XKR9: variants seen among roughly 807,000 people sequenced by gnomAD.
XKR9 encodes XK-related protein 9.
XKR9 carries 32 observed loss-of-function variants against 32.0 expected under a neutral mutation model. That is an observed-to-expected ratio of 1.00 (90% CI 0.76 to 1.34). XKR9 has a LOEUF of 1.34. XKR9 is among the 40% of genes most tolerant of loss of function. The pLI is 0.00. For synonymous variants in XKR9, 168 were observed against 143.4 expected (o/e 1.17, Z -1.22); for missense variants, 546 against 429.7 (o/e 1.27, Z -2.39).
chr8:71,055,749 G>A, the XKR9 span, among the ~76,000 whole-genome samples: 9 of 152,144 alleles, frequency 5.9e-5, no homozygotes, highest in South Asian at 1.9e-3. Flanking sequence ...TGTTTTAACT[G>A]AAAATTAAAG....
the XKR9 span, among the ~76,000 whole-genome samples, chr8:70,883,129 T>C: frequency 6.6e-6 from 1 of 151,392 alleles, no homozygotes; most frequent in East Asian, 1.9e-4. Flanking sequence ...TCACCCCCCT[T>C]CCCAACCTCC....
the XKR9 span, among the ~76,000 whole-genome samples, chr8:70,891,341 G>C: frequency 3.3e-5 from 5 of 151,620 alleles, no homozygotes; most frequent in African/African-American, 1.2e-4. Context: ...TTTTGGGTTT[G>C]GTTTGTTCTT....
At chr8:70,703,733 G>A (rs1462690780) in intron 3 of XKR9, among the ~76,000 whole-genome samples, 1 of 152,058 alleles carries the variant, frequency 6.6e-6, no homozygotes, top group Non-Finnish European at 1.5e-5. Context: ...ATCAGTAGGG[G>A]AATCAGCCTG....
chr8:71,062,194 A>G, the XKR9 span, among the ~76,000 whole-genome samples: 633 of 152,306 alleles, frequency 4.2e-3, 7 homozygotes, highest in African/African-American at 0.014. Context: ...AAATGTAGCC[A>G]TCGTGAAGAA....
the XKR9 span, among the ~76,000 whole-genome samples, chr8:70,892,514 T>C: frequency 3.9e-5 from 6 of 152,180 alleles, no homozygotes; most frequent in Admixed American, 6.6e-5. Context: ...GCATTTCTTA[T>C]AGGGCTGGTC....
the XKR9 span, among the ~76,000 whole-genome samples, chr8:70,796,334 A>G: frequency 6.6e-6 from 1 of 152,034 alleles, no homozygotes; most frequent in Non-Finnish European, 1.5e-5. Flanking sequence ...GCACTTTCCC[A>G]TATTATCTAA....
At chr8:70,910,969 T>C in the XKR9 span, among the ~76,000 whole-genome samples, 1 of 152,256 alleles carries the variant, frequency 6.6e-6, no homozygotes, top group Admixed American at 6.5e-5. Context: ...ACCTAGGGTC[T>C]GCTTACTGAC....
the XKR9 span, among the ~76,000 whole-genome samples, chr8:70,841,988 G>A: frequency 2.6e-5 from 4 of 152,030 alleles, no homozygotes; most frequent in African/African-American, 4.8e-5. Flanking sequence ...TTGATGTTTC[G>A]TGCTTGAATT....
rs115177811 is a variant in XKR9 at position 70,763,803 on chromosome 8, C to T, written n.353-25536C>T. 6.5e-3 allele frequency among the ~76,000 whole-genome samples: 987 copies of T among 152,232 alleles called. 13 individuals carry two copies. Among genetic ancestry groups the T allele is most frequent in the African/African-American group, 0.023 (944 of 41,522 alleles). Reference sequence around the variant, plus strand: ...TGTACTGGTGGAGGGGAACTTATACCCTGGCCTTGTTGCTGGTCCTTGGGT... The same window carrying T: ...TGTACTGGTGGAGGGGAACTTATACTCTGGCCTTGTTGCTGGTCCTTGGGT... On this transcript the variant is annotated intron_variant and non_coding_transcript_variant, in intron 2 of 3. Coordinates refer to the XKR9 transcript ENST00000520273.
the XKR9 span, among the ~76,000 whole-genome samples, chr8:70,815,180 CTT>C: frequency 1.3e-5 from 2 of 151,994 alleles, no homozygotes; most frequent in African/African-American, 4.8e-5. Context: ...ATTTTTTTAA[CTT>C]TTAAGTTCAG....
At chr8:70,707,543 A>G (rs905797598) in intron 4 of XKR9, among the ~76,000 whole-genome samples, 1 of 152,004 alleles carries the variant, frequency 6.6e-6, no homozygotes, top group Non-Finnish European at 1.5e-5. Context: ...TATTATCTGC[A>G]TAGTATTGCA....
the XKR9 span, among the ~76,000 whole-genome samples, chr8:70,799,789 G>GTTTGCA: frequency 2.0e-5 from 3 of 152,072 alleles, no homozygotes; most frequent in Non-Finnish European, 2.9e-5. Context: ...TCTAGATATA[G>GTTTGCA]GATCATGTCA....
the XKR9 span, among the ~76,000 whole-genome samples, chr8:70,996,186 A>G: frequency 7.2e-5 from 11 of 152,354 alleles, no homozygotes; most frequent in South Asian, 2.1e-4. Context: ...CATGCAGAAC[A>G]GTACCTAGAA....
intron 2 of XKR9, among the ~76,000 whole-genome samples, chr8:70,769,577 T>A (rs896706475): frequency 6.6e-6 from 1 of 152,162 alleles, no homozygotes; most frequent in Non-Finnish European, 1.5e-5. Context: ...GGTACACCAA[T>A]GAATTGTACG....
chr8:70,736,810 C>G (rs1009574186), downstream of XKR9, among the ~76,000 whole-genome samples: 1 of 151,512 alleles, frequency 6.6e-6, no homozygotes, highest in Non-Finnish European at 1.5e-5. Context: ...GGGCTCTGTT[C>G]TGTTCCATTG....
intron 4 of XKR9, among the ~76,000 whole-genome samples, chr8:70,712,187 A>T (rs1260244767): frequency 1.3e-5 from 2 of 152,150 alleles, no homozygotes; most frequent in Non-Finnish European, 2.9e-5. Context: ...TGTTTAGAAG[A>T]TGGAAAGCAG....
chr8:70,866,405 G>T, the XKR9 span, among the ~76,000 whole-genome samples: 3 of 152,200 alleles, frequency 2.0e-5, no homozygotes, highest in South Asian at 2.1e-4. Flanking sequence ...GAAAGGAAGT[G>T]ATTGTGAAGG....
chr8:70,812,724 C>T, the XKR9 span, among the ~76,000 whole-genome samples: 1 of 152,128 alleles, frequency 6.6e-6, no homozygotes, highest in Non-Finnish European at 1.5e-5. Flanking sequence ...ACCTAGGAAT[C>T]CAACTCACAA....
At chr8:70,966,222 G>A in the XKR9 span, among the ~76,000 whole-genome samples, 3 of 151,874 alleles carry the variant, frequency 2.0e-5, no homozygotes, top group African/African-American at 7.3e-5. Flanking sequence ...CAGTTGAATG[G>A]TTTTGAGTGA....
Sources: allele counts gnomAD v4.1 joint callset (sites outside exome capture counted in the v4.1 genomes callset), GRCh38; gene constraint gnomAD v4.1.1; transcripts MANE v1.5; gene names NCBI Gene and HGNC (gene_info 2026-07-23, HGNC 2026-07-21).